DRC12: variants seen among roughly 807,000 people sequenced by gnomAD.
DRC12 encodes the protein dynein regulatory complex subunit 12 homolog.
the DRC12 span, chr11:119,195,583 GA>G: frequency 3.0e-6 from 3 of 1,000,408 alleles, no homozygotes; most frequent in Non-Finnish European, 4.5e-6. Context: ...AGACTCTCCT[GA>G]GTCCAAATTT....
the DRC12 span, chr11:119,195,051 GCTCACATC>G: frequency 9.2e-6 from 13 of 1,408,530 alleles, no homozygotes; most frequent in Non-Finnish European, 1.3e-5. Context: ...TCCTCACTCT[GCTCACATC>G]CTCACCCCAC....
At chr11:119,193,847 C>T in the DRC12 span, 41 of 1,551,602 alleles carry the variant, frequency 2.6e-5, 1 homozygote, top group Middle Eastern at 1.7e-4. Flanking sequence ...AGCTGGTCTT[C>T]GGAAGCCTTG....
At chr11:119,190,672 G>C in the DRC12 span, 1 of 1,600,648 alleles carries the variant, frequency 6.2e-7, no homozygotes, top group Non-Finnish European at 8.5e-7. The surrounding 1 kb of genome is among the most constrained non-coding windows in gnomAD (Gnocchi z 4.2). Context: ...GGGAGTCCTG[G>C]GTACTGGGAT....
At chr11:119,193,089 C>T in the DRC12 span, 2 of 1,422,976 alleles carry the variant, frequency 1.4e-6, no homozygotes, top group African/African-American at 2.8e-5. Flanking sequence ...AAGTCTACCC[C>T]TTCATGCTGG....
At chr11:119,194,526 A>AT in the DRC12 span, among the ~76,000 whole-genome samples, 291 of 132,796 alleles carry the variant, frequency 2.2e-3, 6 homozygotes, top group South Asian at 0.016. Flanking sequence ...AAAAAAAAAA[A>AT]AAAAAAAAAA....
the DRC12 span, among the ~76,000 whole-genome samples, chr11:119,194,661 C>G: frequency 6.6e-6 from 1 of 151,526 alleles, no homozygotes; most frequent in African/African-American, 2.4e-5. Flanking sequence ...GGACTATGAC[C>G]ATACCACTGC....
chr11:119,193,793 G>A, the DRC12 span: 335 of 1,551,468 alleles, frequency 2.2e-4, no homozygotes, highest in Non-Finnish European at 2.8e-4. Context: ...CCTTCACTTC[G>A]GGCCCCTTCC....
At chr11:119,191,713 CAGG>C in the DRC12 span, among the ~76,000 whole-genome samples, 2 of 151,922 alleles carry the variant, frequency 1.3e-5, no homozygotes, top group African/African-American at 4.8e-5. Context: ...GAGACTGAGG[CAGG>C]AGAATTGCTT....
the DRC12 span, chr11:119,195,665 G>A: frequency 1.7e-6 from 1 of 602,282 alleles, no homozygotes; most frequent in Non-Finnish European, 2.9e-6. Flanking sequence ...GGGTCAGTGG[G>A]GAGGATGGAG....
At chr11:119,193,024 A>C in the DRC12 span, 2 of 807,122 alleles carry the variant, frequency 2.5e-6, no homozygotes, top group South Asian at 3.0e-5. Context: ...GGTCAGCGAA[A>C]GTGGGGAAAG....
At chr11:119,191,756 C>A in the DRC12 span, among the ~76,000 whole-genome samples, 2 of 151,434 alleles carry the variant, frequency 1.3e-5, no homozygotes, top group African/African-American at 4.8e-5. Flanking sequence ...TGCAGTGAGC[C>A]GAGATTTGCC....
the DRC12 span, chr11:119,193,719 T>G: frequency 6.5e-7 from 1 of 1,545,266 alleles, no homozygotes; most frequent in Non-Finnish European, 8.8e-7. Context: ...TTGGTTGTCC[T>G]CCTCCAAGCC....
At chr11:119,195,038 C>T in the DRC12 span, 1 of 1,483,502 alleles carries the variant, frequency 6.7e-7, no homozygotes, top group Non-Finnish European at 9.2e-7. Context: ...ATGATCTCAG[C>T]ATTCCTCACT....
the DRC12 span, chr11:119,194,855 C>T: frequency 8.1e-7 from 1 of 1,239,898 alleles, no homozygotes; most frequent in South Asian, 1.3e-5. Context: ...CTCCAATCCC[C>T]CAGGATACAG....
At chr11:119,194,235 C>T in the DRC12 span, among the ~76,000 whole-genome samples, 1 of 151,936 alleles carries the variant, frequency 6.6e-6, no homozygotes, top group Non-Finnish European at 1.5e-5. Flanking sequence ...ATAAATAGGG[C>T]CAGGCGCGGT....
At chr11:119,195,308 G>A in the DRC12 span, 2 of 956,668 alleles carry the variant, frequency 2.1e-6, no homozygotes, top group Non-Finnish European at 3.2e-6. Flanking sequence ...AAAGAGGTAG[G>A]TCAAGAGAGC....
the DRC12 span, chr11:119,190,528 G>A: frequency 6.3e-7 from 1 of 1,594,242 alleles, no homozygotes; most frequent in African/African-American, 1.3e-5. This position sits in a 1 kb window ranked among gnomAD's most constrained non-coding sequence, Gnocchi z 4.2. Context: ...TGGTTCATAA[G>A]CTTTCCTTGC....
chr11:119,194,481 T>C, the DRC12 span, among the ~76,000 whole-genome samples: 1 of 113,484 alleles, frequency 8.8e-6, no homozygotes, highest in African/African-American at 3.5e-5. Context: ...ACCACTGCAC[T>C]CCAGCCTGGG....
chr11:119,194,515 C>CAAAAAAAAAAAAA, the DRC12 span, among the ~76,000 whole-genome samples: 5 of 27,490 alleles, frequency 1.8e-4, no homozygotes, highest in Non-Finnish European at 2.8e-4. Flanking sequence ...GACTCTGTCT[C>CAAAAAAAAAAAAA]AAAAAAAAAA....
Sources: gnomAD v4.1 joint callset for allele counts (sites outside exome capture counted in the v4.1 genomes callset) on GRCh38, gnomAD v4.1.1 for gene constraint, Gnocchi (gnomAD v3.1) non-coding constraint, MANE v1.5 for transcripts, NCBI Gene and HGNC (gene_info 2026-07-23, HGNC 2026-07-21) for gene names.